The following CDC42BPB variants were observed in gnomAD, a reference collection of about 807,000 sequenced individuals.
The protein encoded by CDC42BPB is serine/threonine-protein kinase MRCK beta.
CDC42BPB carries 37 observed loss-of-function variants against 214.9 expected under a neutral mutation model. The ratio of observed to expected loss-of-function variants is 0.17; its 90% CI spans 0.13 to 0.23. CDC42BPB has a LOEUF of 0.23. Among genes scored for constraint, CDC42BPB ranks in the 10% least tolerant of loss-of-function variants. The pLI is 1.00. For missense variants in CDC42BPB, 1,694 were observed against 2,227.0 expected, an observed-to-expected ratio of 0.76 and a Z score of 4.82; for synonymous variants, 931 against 884.0, an observed-to-expected ratio of 1.05 and a Z score of -0.94.
At chr14:102,997,901 T>C (rs181201382) in intron 5 of CDC42BPB, among the ~76,000 whole-genome samples, 1 of 152,246 alleles carries the variant, frequency 6.6e-6, no homozygotes, top group Non-Finnish European at 1.5e-5. Flanking sequence ...TCCCAGCACT[T>C]TGGGAGGCCG....
Position 102,964,492 on chromosome 14 carries a change from C to G in CDC42BPB, c.2726+10G>C. On this transcript the variant is annotated intron_variant, in intron 19 of 36. Coordinates refer to ENST00000361246, the MANE Select transcript of CDC42BPB (RefSeq NM_006035.4). ...GCTCCTACCTGGAGTCAGACCCTGG[C>G]ACCAAGTACCTTTCCAAGGTGAGGT... 1 of 1,612,956 alleles carries G rather than the reference C, an allele frequency of 6.2e-7. No homozygotes were observed. Among genetic ancestry groups the G allele is most frequent in the Admixed American group, 1.7e-5 (1 of 59,986 alleles).
rs1595474588 is a variant in CDC42BPB, at chr14:102,966,368, C to A, written c.2491G>T (p.Ala831Ser). The change falls in exon 18 of 37, where the codon GCC (alanine) becomes TCC (serine). Residue 831 changes from alanine to serine, a missense_variant. Transcript: ENST00000361246. ...GCAAGAGCTTGAAGGTAACCCCGGG[C>A]ATCTTTCTCGTCACTGACCCTGGAG... ...IIQWVSDEKD[A>S]RGYLQALASK... is the part of the protein sequence containing the mutation. The A allele has an allele frequency of 6.2e-7, 1 of 1,613,882 alleles. No homozygotes were observed.
At chr14:103,032,240 C>T (rs146086116) in intron 1 of CDC42BPB, among the ~76,000 whole-genome samples, 88 of 152,266 alleles carry the variant, frequency 5.8e-4, no homozygotes, top group African/African-American at 2.0e-3. Context: ...GAGGTAATAA[C>T]GCACTTCTCG....
chr14:102,977,482 T>TCTTC (rs1483444192), intron 9 of CDC42BPB, among the ~76,000 whole-genome samples: 1 of 152,126 alleles, frequency 6.6e-6, no homozygotes, highest in African/African-American at 2.4e-5. Context: ...CACCTCTCTT[T>TCTTC]CTTCCTAACC....
At chr14:103,012,246 A>G in intron 1 of CDC42BPB, 58 bp from the exon 2 acceptor site, 1 of 1,519,862 alleles carries the variant, frequency 6.6e-7, no homozygotes, top group Non-Finnish European at 8.9e-7. Context: ...CTATATAAAA[A>G]TTTAATTGAG....
At position 102,946,606 on chromosome 14, in the gene CDC42BPB, T is replaced by G. The variant is rs368543743; in HGVS notation, c.3610A>C (p.Lys1204Gln). 2 of 1,612,666 alleles carry G rather than the reference T, an allele frequency of 1.2e-6. No homozygotes were observed. Among genetic ancestry groups the G allele is most frequent in the Non-Finnish European group, 8.5e-7 (1 of 1,179,978 alleles). The change falls in exon 28 of 37, where the codon AAG becomes CAG. Residue 1204 changes from lysine to glutamine, a missense_variant. By Grantham distance (53) the Lys-to-Gln change is moderately conservative. Transcript: ENST00000361246. ...ILTENENEKRKWVGILEGLQS... is the reference protein window; with the variant it reads ...ILTENENEKRQWVGILEGLQS... ...AGTCCTTCTAGAATCCCAACCCACT[T>G]CCTCTTTTCATTCTCATTTTCTGTC... is the stretch of plus-strand genomic sequence containing the variant.
rs1293512728 is a variant in CDC42BPB at position 102,968,488 on chromosome 14, T to C, written c.2224A>G (p.Lys742Glu). ...AAAACCTACCGTTCTCGCTTTGACT[T>C]TTCTAACTTATCTTTTAACATCAAG... ...EILMLKDKLE[K>E]SKRERHNEME... is the part of the protein sequence containing the mutation. Residue 742 changes from lysine (K) to glutamate (E), a missense_variant, in exon 15 of 37, where the codon AAG becomes GAG. By Grantham distance (56) the Lys-to-Glu change is moderately conservative. This residue lies in a region of CDC42BPB where 462 missense variants were observed against 513.5 expected (regional missense o/e 0.90). Coordinates refer to ENST00000361246, the MANE Select transcript of CDC42BPB (RefSeq NM_006035.4). The C allele has an allele frequency of 6.2e-7, 1 of 1,614,162 alleles. No individual in the cohort carries two copies. The highest frequency in any genetic ancestry group is 2.2e-5 in the East Asian group (1 of 44,882).
chr14:102,977,628 G>A (rs976355952), intron 9 of CDC42BPB, among the ~76,000 whole-genome samples: 1 of 152,190 alleles, frequency 6.6e-6, no homozygotes, highest in African/African-American at 2.4e-5. Context: ...TGCTCTGATG[G>A]AAGCCAGCTC....
chr14:103,014,170 A>C (rs75988502), intron 1 of CDC42BPB, among the ~76,000 whole-genome samples: 30 of 150,722 alleles, frequency 2.0e-4, no homozygotes, highest in Admixed American at 3.3e-4. Context: ...CGTCTCAAAA[A>C]AAAAAAAAAA....
chr14:102,969,395 C>T (rs549749639), intron 14 of CDC42BPB, among the ~76,000 whole-genome samples: 31 of 152,290 alleles, frequency 2.0e-4, no homozygotes, highest in African/African-American at 6.0e-4. Context: ...GAATGTGATC[C>T]GGCTTTGGTC....
intron 1 of CDC42BPB, among the ~76,000 whole-genome samples, chr14:103,016,459 T>C (rs1315451574): frequency 2.4e-5 from 2 of 84,592 alleles, no homozygotes; most frequent in African/African-American, 8.0e-5. Flanking sequence ...GAGGAGGACA[T>C]CAGTGCCGGT....
At chr14:102,998,737 A>G (rs1168835447) in intron 5 of CDC42BPB, among the ~76,000 whole-genome samples, 4 of 152,082 alleles carry the variant, frequency 2.6e-5, no homozygotes, top group South Asian at 2.1e-4. Flanking sequence ...CTCAAGCCCT[A>G]TTTCCTTTGT....
chr14:103,011,147 T>C (rs942275477), intron 2 of CDC42BPB, among the ~76,000 whole-genome samples: 1 of 152,202 alleles, frequency 6.6e-6, no homozygotes, highest in Non-Finnish European at 1.5e-5. Context: ...AGAACTGTTC[T>C]GCAAGGCCGA....
rs376515979 is a variant in CDC42BPB, at chr14:102,943,842, C to T, written c.4408+49G>A. ...GCAAAATCGAACACATGCTGACTGTCGGTGGGAAAAGCAGCAACAGGGATA... is the reference window on the plus strand; with the variant it reads ...GCAAAATCGAACACATGCTGACTGTTGGTGGGAAAAGCAGCAACAGGGATA... On this transcript the variant is annotated intron_variant, in intron 30 of 36. Transcript: ENST00000361246. This position sits in a 1 kb window ranked among gnomAD's most constrained non-coding sequence, Gnocchi z 4.6. 7.9e-6 allele frequency: 12 copies of T among 1,514,998 alleles called. No individual in the cohort carries two copies. In the African/African-American group the frequency reaches 9.6e-5, roughly 12 times the overall value. 93.8% of individuals were successfully genotyped at this position (1,514,998 alleles called of 1,614,324 possible).
intron 3 of CDC42BPB, among the ~76,000 whole-genome samples, chr14:103,007,124 C>G (rs1009010521): frequency 6.6e-6 from 1 of 152,178 alleles, no homozygotes; most frequent in Non-Finnish European, 1.5e-5. Flanking sequence ...GTGTACACCC[C>G]AGAAGCTGGG....
intron 30 of CDC42BPB, 198 bp from the exon 31 acceptor site, chr14:102,940,522 T>A: frequency 7.3e-7 from 1 of 1,373,924 alleles, no homozygotes; most frequent in South Asian, 1.5e-5. Flanking sequence ...CACAATCCAA[T>A]GTTTAAATGC....
intron 1 of CDC42BPB, among the ~76,000 whole-genome samples, chr14:103,025,559 T>C (rs1887004566): frequency 6.6e-6 from 1 of 150,722 alleles, no homozygotes; most frequent in South Asian, 2.1e-4. Context: ...GGCTCATGCC[T>C]GTAATCCCAG....
rs752827355 is a variant in CDC42BPB, at chr14:102,943,887, A to G, written c.4408+4T>C. 4 of 1,601,324 alleles carry G rather than the reference A, an allele frequency of 2.5e-6. No homozygotes were observed. Among genetic ancestry groups the G allele is most frequent in the African/African-American group, 1.3e-5 (1 of 74,538 alleles). ...GGGATATGCAACAGAAAACATATAC[A>G]TACTACAGGCGACAGGAGCCGCAGG... On this transcript the variant is annotated splice_donor_region_variant and intron_variant, in intron 30 of 36. Transcript: ENST00000361246. This position sits in a 1 kb window ranked among gnomAD's most constrained non-coding sequence, Gnocchi z 4.6.
intron 18 of CDC42BPB, 148 bp downstream of exon 18, chr14:102,966,134 G>A (rs959070257): frequency 3.5e-6 from 2 of 565,590 alleles, no homozygotes; most frequent in African/African-American, 1.9e-5. Flanking sequence ...GCTGGCAAAT[G>A]TTGGCGTTCC....
Sources: gnomAD v4.1 joint callset for allele counts (sites outside exome capture counted in the v4.1 genomes callset) on GRCh38, gnomAD v4.1.1 for gene constraint, gnomAD v4.1.1 regional missense constraint, Gnocchi (gnomAD v3.1) non-coding constraint, MANE v1.5 for transcripts, NCBI Gene and HGNC (gene_info 2026-07-23, HGNC 2026-07-21) for gene names.